LHCGR: variants seen among roughly 807,000 people sequenced by gnomAD.
The protein encoded by LHCGR is luteinizing hormone/choriogonadotropin receptor.
In LHCGR, 55 loss-of-function variants were observed where a neutral mutation model predicts 60.7. The ratio of observed to expected loss-of-function variants is 0.91; its 90% CI spans 0.73 to 1.13. The LOEUF (loss-of-function observed/expected upper bound fraction) is 1.13, where lower values mean the gene tolerates loss of function less well. LHCGR is among the 50% of genes most tolerant of loss of function. The pLI is 0.00. For synonymous variants in LHCGR, 337 were observed against 316.5 expected, an observed-to-expected ratio of 1.06 and a Z score of -0.69; for missense variants, 862 against 836.0, an observed-to-expected ratio of 1.03 and a Z score of -0.38.
At chr2:48,755,484 G>T in intron 1 of LHCGR, 27 bp downstream of exon 1, 1 of 1,448,204 alleles carries the variant, frequency 6.9e-7, no homozygotes, top group Non-Finnish European at 9.4e-7. Flanking sequence ...CATCAAGGGC[G>T]CCGCGACGGG....
intron 10 of LHCGR, among the ~76,000 whole-genome samples, chr2:48,689,083 A>T (rs573319238): frequency 6.6e-6 from 1 of 151,800 alleles, no homozygotes; most frequent in South Asian, 2.1e-4. Flanking sequence ...ACACATATAT[A>T]CACACATATA....
At chr2:48,738,956 T>C (rs529996496) in intron 1 of LHCGR, among the ~76,000 whole-genome samples, 3 of 152,380 alleles carry the variant, frequency 2.0e-5, no homozygotes, top group East Asian at 3.9e-4. Context: ...AGCACCTCCC[T>C]AGGCAAATCA....
chr2:48,736,038 G>A (rs1034138305), intron 1 of LHCGR, among the ~76,000 whole-genome samples: 1 of 152,130 alleles, frequency 6.6e-6, no homozygotes, highest in Non-Finnish European at 1.5e-5. Flanking sequence ...AAATGTGCTT[G>A]CTTCCCTTTT....
chr2:48,705,949 G>A (rs549716021), intron 8 of LHCGR, among the ~76,000 whole-genome samples: 104 of 152,268 alleles, frequency 6.8e-4, no homozygotes, highest in Non-Finnish European at 1.1e-3. Context: ...ATGCTAGCTG[G>A]TTATTTTGCC....
intron 4 of LHCGR, 147 bp downstream of exon 4, chr2:48,725,529 T>G (rs1668679195): frequency 1.5e-6 from 1 of 676,906 alleles, no homozygotes; most frequent in South Asian, 1.7e-5. Context: ...AAATGACAAT[T>G]AAATTTAAAT....
intron 7 of LHCGR, among the ~76,000 whole-genome samples, chr2:48,712,934 A>G (rs17037566): frequency 0.14 from 20,588 of 152,168 alleles, 3,079 homozygotes; most frequent in African/African-American, 0.37. Flanking sequence ...GCACATATCA[A>G]TATAATAGAG....
chr2:48,715,919 C>T (rs1668227425), intron 6 of LHCGR, among the ~76,000 whole-genome samples: 1 of 152,084 alleles, frequency 6.6e-6, no homozygotes, highest in Admixed American at 6.6e-5. Flanking sequence ...TCACAGAATG[C>T]CTGGTGCCTA....
At chr2:48,727,831 G>T (rs529241114) in intron 3 of LHCGR, among the ~76,000 whole-genome samples, 1 of 152,192 alleles carries the variant, frequency 6.6e-6, no homozygotes, top group African/African-American at 2.4e-5. Flanking sequence ...CCCTGTATTG[G>T]ACACATGGTA....
chr2:48,688,780 C>G lies in LHCGR; in HGVS notation c.1017G>C (p.Lys339Asn). 6.2e-7 allele frequency: 1 copy of G among 1,614,116 alleles called. No individual in the cohort carries two copies. The highest frequency in any genetic ancestry group is 8.5e-7 in the Non-Finnish European group (1 of 1,180,002). Residue 339 changes from lysine (K) to asparagine (N), a missense_variant, in exon 11 of 11, where the codon AAG becomes AAC. By Grantham distance (94) the Lys-to-Asn change is moderately conservative. Coordinates refer to ENST00000294954, the MANE Select transcript of LHCGR (RefSeq NM_000233.4). This position sits in a 1 kb window ranked among gnomAD's most constrained non-coding sequence, Gnocchi z 5.2. The part of the protein sequence containing the change: ...WDYEYGFCLP[K>N]TPRCAPEPDA... ...CTGGTTCAGGAGCACATCGGGGTGTCTTGGGTAAGCAGAAACCATATTCAT... is the reference window on the plus strand; with the variant it reads ...CTGGTTCAGGAGCACATCGGGGTGTGTTGGGTAAGCAGAAACCATATTCAT...
intron 1 of LHCGR, among the ~76,000 whole-genome samples, chr2:48,731,580 T>C (rs191044019): frequency 2.8e-4 from 43 of 152,354 alleles, no homozygotes; most frequent in Non-Finnish European, 4.6e-4. Flanking sequence ...CTTGGCTATG[T>C]GATTCTAAGC....
At chr2:48,750,682 A>T (rs73928290) in intron 1 of LHCGR, among the ~76,000 whole-genome samples, 4,741 of 152,306 alleles carry the variant, frequency 0.031, 198 homozygotes, top group Admixed American at 0.12. Context: ...CAGTTTAATC[A>T]TGAAACTCAG....
chr2:48,689,120 T>C (rs1264431843), intron 10 of LHCGR, among the ~76,000 whole-genome samples: 4 of 151,104 alleles, frequency 2.6e-5, no homozygotes, highest in African/African-American at 9.7e-5. Flanking sequence ...TATATACATA[T>C]ATACACATAT....
chr2:48,691,362 G>C (rs1484677915), intron 10 of LHCGR, among the ~76,000 whole-genome samples: 3 of 152,122 alleles, frequency 2.0e-5, no homozygotes, highest in Non-Finnish European at 4.4e-5. Context: ...AACTAGAGAA[G>C]GGCTGCTGCT....
intron 2 of LHCGR, 114 bp from the exon 3 acceptor site, chr2:48,729,341 T>C (rs998612157): frequency 2.5e-6 from 2 of 809,954 alleles, no homozygotes; most frequent in Non-Finnish European, 4.2e-6. Flanking sequence ...TGTGTCCCCC[T>C]GAAAAGAACA....
At chr2:48,699,664 T>G (rs1324923371) in intron 8 of LHCGR, among the ~76,000 whole-genome samples, 5 of 152,086 alleles carry the variant, frequency 3.3e-5, no homozygotes, top group African/African-American at 1.2e-4. Flanking sequence ...GCATGTTCTC[T>G]AATGCATGTT....
chr2:48,695,252 A>C (rs1667058757), intron 9 of LHCGR, among the ~76,000 whole-genome samples: 1 of 151,954 alleles, frequency 6.6e-6, no homozygotes, highest in Non-Finnish European at 1.5e-5. Flanking sequence ...TTGTCTGTTT[A>C]CTCTGTTGAT....
In LHCGR at chr2:48,701,160, T is replaced by A. The variant is rs143771062; in HGVS notation, c.681-2360A>T. ...GGCAGGAGCTAGGAAGTAGACAGAC[T>A]TTGGGTTTTATAATGGTGGAAACAG... On this transcript the variant is annotated intron_variant, in intron 8 of 10. Transcript: ENST00000294954. Among the ~76,000 whole-genome samples, 826 of 152,182 alleles carry A rather than the reference T, an allele frequency of 5.4e-3. 5 individuals carry two copies. The highest frequency in any genetic ancestry group is 0.019 in the African/African-American group (770 of 41,496).
intron 1 of LHCGR, among the ~76,000 whole-genome samples, chr2:48,749,104 T>C (rs1669838610): frequency 2.0e-5 from 3 of 152,242 alleles, no homozygotes; most frequent in South Asian, 4.1e-4. Context: ...ATCTTCATTC[T>C]GAAAGTTGAG....
intron 10 of LHCGR, among the ~76,000 whole-genome samples, chr2:48,693,167 G>C (rs1030358353): frequency 3.3e-5 from 5 of 152,172 alleles, no homozygotes; most frequent in African/African-American, 1.2e-4. Context: ...AGAGGGAAGG[G>C]TGAAGAAAAG....
Sources: gnomAD v4.1 joint callset for allele counts (sites outside exome capture counted in the v4.1 genomes callset) on GRCh38, gnomAD v4.1.1 for gene constraint, Gnocchi (gnomAD v3.1) non-coding constraint, MANE v1.5 for transcripts, NCBI Gene and HGNC (gene_info 2026-07-23, HGNC 2026-07-21) for gene names.